Variants in HYPK observed in about 807,000 individuals in gnomAD.
HYPK encodes the protein huntingtin-interacting protein K.
Under a neutral mutation model 13.9 loss-of-function variants are expected in HYPK, and 9 were observed. The ratio of observed to expected loss-of-function variants is 0.65; its 90% CI spans 0.39 to 1.13. The LOEUF (loss-of-function observed/expected upper bound fraction) is 1.13, where lower values mean the gene tolerates loss of function less well. Among genes scored for constraint, HYPK ranks in the 50% most tolerant of loss-of-function variants. HYPK has a pLI of 0.01. For missense variants in HYPK, 138 were observed against 157.6 expected (o/e 0.88, Z 0.67); for synonymous variants, 76 against 57.0 (o/e 1.33, Z -1.50).
chr15:43,801,611 A>C (rs2087316935), intron 3 of HYPK, 42 bp downstream of exon 3: 10 of 1,606,200 alleles, frequency 6.2e-6, no homozygotes, highest in Non-Finnish European at 8.5e-6. Context: ...AGGGGAGGCT[A>C]TTCTGCTTAA....
At position 43,803,371 on chromosome 15, in the gene HYPK, C is replaced by T. The variant is rs989844861; in HGVS notation, c.*1565C>T. On this transcript the variant is annotated 3_prime_UTR_variant, in exon 4 of 4. Transcript: ENST00000442995. ...TTGTGCTACTGCACTCCAGCCTGGG[C>T]GACAGAGCAAGACTGTCTCAAAACG... Among the ~76,000 whole-genome samples, 1 of 151,822 alleles carries T rather than the reference C, an allele frequency of 6.6e-6. No homozygotes were observed. Among genetic ancestry groups the T allele is most frequent in the East Asian group, 1.9e-4 (1 of 5,172 alleles).
chr15:43,801,989 A>AAAATCAGTGT lies in HYPK; in HGVS notation c.*185_*194dup. ...ATTAAAATCTAGCACACCTGTATGA[A>AAAATCAGTGT]AAATCAGTGTAGAAGAATACCTCAT... On this transcript the variant is annotated 3_prime_UTR_variant, in exon 4 of 4. Coordinates refer to ENST00000442995, the MANE Select transcript of HYPK (RefSeq NM_016400.4). 1.7e-6 allele frequency: 1 copy of AAAATCAGTGT among 604,354 alleles called. No individual in the cohort carries two copies. Among genetic ancestry groups the AAAATCAGTGT allele is most frequent in the Non-Finnish European group, 2.9e-6 (1 of 343,052 alleles). 37.4% of individuals were successfully genotyped at this position (604,354 alleles called of 1,614,324 possible). A position where few individuals can be genotyped will look rare whatever the true frequency, so the allele number is the denominator to read the frequency against.
In HYPK at chr15:43,803,420, A is replaced by T. The variant is rs923138310; in HGVS notation, c.*1614A>T. ...CGAAAAAAACCTATGAAAGGTTTTG[A>T]TTGGTATTCAAATTCTAAGCCATAA... On this transcript the variant is annotated 3_prime_UTR_variant, in exon 4 of 4. Coordinates refer to ENST00000442995, the MANE Select transcript of HYPK (RefSeq NM_016400.4). 6.6e-6 allele frequency among the ~76,000 whole-genome samples: 1 copy of T among 152,050 alleles called. No individual in the cohort carries two copies. Among genetic ancestry groups the T allele is most frequent in the South Asian group, 2.1e-4 (1 of 4,820 alleles).
At chr15:43,801,228 C>T in intron 2 of HYPK, 41 bp downstream of exon 2, 1 of 1,522,580 alleles carries the variant, frequency 6.6e-7, no homozygotes, top group Non-Finnish European at 9.1e-7. Flanking sequence ...GTTCTTCCCT[C>T]CCCGGTCCCC....
At position 43,801,125 on chromosome 15, in the gene HYPK, C is replaced by A. The variant is rs1425676250; in HGVS notation, c.163-7C>A. On this transcript the variant is annotated splice_region_variant and splice_polypyrimidine_tract_variant and intron_variant, in intron 1 of 3. Transcript: ENST00000442995. ...CGGTGCAGTAACTAGACCTGCCTTT[C>A]CCATAGGCCATGTCTGTGATTGGAG... 4 of 1,613,334 alleles carry A rather than the reference C, an allele frequency of 2.5e-6. No homozygotes were observed. The highest frequency in any genetic ancestry group is 1.7e-4 in the Middle Eastern group (1 of 5,894).
At chr15:43,801,335 C>A in intron 2 of HYPK, 148 bp downstream of exon 2, 2 of 858,502 alleles carry the variant, frequency 2.3e-6, no homozygotes, top group Non-Finnish European at 3.7e-6. Context: ...CTCTTGTTAG[C>A]AGAAGGCCTC....
chr15:43,800,930 C>T, intron 1 of HYPK, 146 bp downstream of exon 1: 1 of 925,490 alleles, frequency 1.1e-6, no homozygotes, highest in South Asian at 1.7e-5. Context: ...ACAGCGGTCA[C>T]CGGAGCGCGC....
Position 43,801,275 on chromosome 15 carries a change from G to A in HYPK, c.218+88G>A, listed in dbSNP as rs1248076742. On this transcript the variant is annotated intron_variant, in intron 2 of 3. Coordinates refer to ENST00000442995, the MANE Select transcript of HYPK (RefSeq NM_016400.4). ...AAAACCATTATTAAGCCTTTATACC[G>A]TTCTTCAAATTTATCACCAATTCCT... The A allele has an allele frequency of 4.2e-6, 5 of 1,196,550 alleles. No homozygotes were observed. In the East Asian group the frequency reaches 7.1e-5, roughly 17 times the overall value. The allele number at this position is 1,196,550 out of a possible 1,614,324, so 74.1% of individuals were successfully genotyped here. A position where few individuals can be genotyped will look rare whatever the true frequency, so the allele number is the denominator to read the frequency against.
upstream of HYPK, chr15:43,800,567 C>T (rs759993007): frequency 2.5e-6 from 4 of 1,610,476 alleles, no homozygotes; most frequent in African/African-American, 4.0e-5. Context: ...GAAGCTGTGT[C>T]AGTTGCCGGA....
Position 43,802,879 on chromosome 15 carries a change from AAAAC to A in HYPK, c.*1077_*1080del, listed in dbSNP as rs2087334549. ...TGGGTGACAGAGCGAGACTGTCTCA[AAAAC>A]AAAACAACAAAAAAGAATTTAGGGG... On this transcript the variant is annotated 3_prime_UTR_variant, in exon 4 of 4. Coordinates refer to ENST00000442995, the MANE Select transcript of HYPK (RefSeq NM_016400.4). The A allele has an allele frequency of 6.6e-6, 1 of 152,012 alleles. No homozygotes were observed. Among genetic ancestry groups the A allele is most frequent in the Non-Finnish European group, 1.5e-5 (1 of 68,128 alleles). 9.4% of individuals were successfully genotyped at this position (152,012 alleles called of 1,614,324 possible).
chr15:43,800,878 A>T, intron 1 of HYPK, 94 bp downstream of exon 1: 1 of 1,265,344 alleles, frequency 7.9e-7, no homozygotes, highest in Non-Finnish European at 1.1e-6. Context: ...CGGGGTTCTG[A>T]TCCCGTTGGC....
chr15:43,802,459 G>A lies in HYPK; in HGVS notation c.*653G>A, dbSNP rs1427600838. On this transcript the variant is annotated 3_prime_UTR_variant, in exon 4 of 4. Coordinates refer to ENST00000442995, the MANE Select transcript of HYPK (RefSeq NM_016400.4). ...GGCGCCTATAATCCCAGCTATTCTG[G>A]AGGCTGAGGCAGGAATCGCTTGAAA... 1 of 151,600 alleles carries A rather than the reference G, an allele frequency of 6.6e-6. No homozygotes were observed. The highest frequency in any genetic ancestry group is 2.4e-5 in the African/African-American group (1 of 41,000). The allele number at this position is 151,600 out of a possible 1,614,324, so 9.4% of individuals were successfully genotyped here.
Position 43,800,652 on chromosome 15 carries a change from G to T in HYPK, c.30G>T (p.Glu10Asp). 1 of 1,614,192 alleles carries T rather than the reference G, an allele frequency of 6.2e-7. No homozygotes were observed. Among genetic ancestry groups the T allele is most frequent in the Non-Finnish European group, 8.5e-7 (1 of 1,180,040 alleles). Residue 10 changes from glutamate (E) to aspartate (D), a missense_variant, in exon 1 of 4, where the codon GAG (glutamate) becomes GAT (aspartate). This residue lies in a region of HYPK where 43 missense variants were observed against 30.4 expected (regional missense o/e 1.41). Transcript: ENST00000442995. MATEGDVEL[E>D]LETETSGPER... ...CGACCGAGGGGGATGTGGAGCTGGA[G>T]TTGGAGACTGAGACCAGTGGACCAG...
upstream of HYPK, chr15:43,800,476 A>C (rs1429513108): frequency 3.6e-6 from 4 of 1,111,978 alleles, no homozygotes; most frequent in Non-Finnish European, 5.4e-6. Context: ...TGAGAGACGA[A>C]CCGCCTTCCT....
intron 2 of HYPK, 160 bp from the exon 3 acceptor site, chr15:43,801,358 G>A: frequency 2.4e-6 from 2 of 833,236 alleles, no homozygotes; most frequent in South Asian, 3.3e-5. Context: ...GGCAACACCT[G>A]CTGCCAAGAC....
intron 1 of HYPK, 141 bp downstream of exon 1, chr15:43,800,925 G>A (rs1201957889): frequency 2.1e-6 from 2 of 952,632 alleles, no homozygotes; most frequent in Non-Finnish European, 3.1e-6. Flanking sequence ...GGGAAACAGC[G>A]GTCACCGGAG....
At position 43,803,619 on chromosome 15, in the gene HYPK, A is replaced by G. The variant is rs569963798; in HGVS notation, c.*1813A>G. On this transcript the variant is annotated 3_prime_UTR_variant, in exon 4 of 4. Transcript: ENST00000442995. ...AGCCTGGCCAAAATGGTGAAACCCC[A>G]TCTCTACTAAAAGTACAAAAAAAAA... Among the ~76,000 whole-genome samples, 1 of 152,008 alleles carries G rather than the reference A, an allele frequency of 6.6e-6. No individual in the cohort carries two copies. Among genetic ancestry groups the G allele is most frequent in the South Asian group, 2.1e-4 (1 of 4,810 alleles).
intron 1 of HYPK, 47 bp downstream of exon 1, chr15:43,800,831 G>A (rs1480592576): frequency 1.0e-5 from 15 of 1,499,524 alleles, no homozygotes; most frequent in Non-Finnish European, 1.3e-5. Context: ...AGCAGAGGGG[G>A]GCTCTGAGGC....
At chr15:43,801,078 GATT>G in intron 1 of HYPK, 51 bp from the exon 2 acceptor site, 2 of 1,490,080 alleles carry the variant, frequency 1.3e-6, no homozygotes, top group Non-Finnish European at 1.9e-6. Flanking sequence ...TGGCCTTTTA[GATT>G]ATTGGGAATT....
Sources: gnomAD v4.1 joint callset for allele counts (sites outside exome capture counted in the v4.1 genomes callset) on GRCh38, gnomAD v4.1.1 for gene constraint, gnomAD v4.1.1 regional missense constraint, MANE v1.5 for transcripts, NCBI Gene and HGNC (gene_info 2026-07-23, HGNC 2026-07-21) for gene names.